The following PIK3R4 variants were observed in gnomAD, a reference collection of about 807,000 sequenced individuals.
PIK3R4 encodes the protein phosphoinositide-3-kinase regulatory subunit 4.
Under a neutral mutation model 136.5 loss-of-function variants are expected in PIK3R4, and 46 were observed. The observed-to-expected ratio is 0.34, with a 90% CI of 0.27 to 0.43. The LOEUF is 0.43. Ranked by LOEUF, PIK3R4 falls within the 20% of genes least tolerant of loss-of-function variation. The pLI, the probability that PIK3R4 is intolerant of heterozygous loss-of-function variation, is 1.00. For missense variants in PIK3R4, 1,331 were observed against 1,649.5 expected (o/e 0.81, Z 3.35); for synonymous variants, 557 against 566.7 (o/e 0.98, Z 0.24).
intron 2 of PIK3R4, 48 bp from the exon 3 acceptor site, chr3:130,736,050 C>T (rs991648301): frequency 8.9e-6 from 13 of 1,461,568 alleles, no homozygotes; most frequent in Admixed American, 2.0e-5. Context: ...TAAAAAATAT[C>T]ATGCAATATA....
At chr3:130,731,644 C>A (rs1376521007) in intron 4 of PIK3R4, among the ~76,000 whole-genome samples, 2 of 152,126 alleles carry the variant, frequency 1.3e-5, no homozygotes, top group Admixed American at 6.5e-5. Context: ...TAGATCTATG[C>A]TTATTTCCCC....
chr3:130,681,700 T>C, intron 16 of PIK3R4, 109 bp from the exon 17 acceptor site: 1 of 640,548 alleles, frequency 1.6e-6, no homozygotes, highest in South Asian at 1.9e-5. Context: ...TCTTTCTTTC[T>C]TTCAGGGGGA....
chr3:130,690,481 A>G lies in PIK3R4; in HGVS notation c.3263+9T>C, dbSNP rs199700522. The G allele has an allele frequency of 3.1e-4, 499 of 1,601,816 alleles. 9 individuals carry two copies. The South Asian group carries it at 4.8e-3, about 15-fold the overall frequency. On this transcript the variant is annotated intron_variant, in intron 14 of 19. Coordinates refer to ENST00000356763, the MANE Select transcript of PIK3R4 (RefSeq NM_014602.3). Reference sequence around the variant, plus strand: ...ATACAATGTTTAAGAAAGACAAAAGATAAGATACCTGCTTTGTAGAGGATG... The same window carrying G: ...ATACAATGTTTAAGAAAGACAAAAGGTAAGATACCTGCTTTGTAGAGGATG...
In PIK3R4 at chr3:130,708,407, T is replaced by G; in HGVS notation, c.2417A>C (p.Asp806Ala). The G allele has an allele frequency of 6.2e-7, 1 of 1,613,814 alleles. No homozygotes were observed. The highest frequency in any genetic ancestry group is 8.5e-7 in the Non-Finnish European group (1 of 1,179,742). Residue 806 changes from aspartate (D) to alanine (A), a missense_variant, in exon 10 of 20, where the codon GAC becomes GCC. Physicochemically the swap from Asp to Ala is moderately radical, Grantham distance 126. Coordinates refer to ENST00000356763, the MANE Select transcript of PIK3R4 (RefSeq NM_014602.3). ...KSNKAKANIV[D>A]QSHLHDSSQK... is the part of the protein sequence containing the mutation. ...ACTACTATCATGAAGATGGCTCTGG[T>G]CCACTATATTGGCCTTTGCTTTATT...
intron 4 of PIK3R4, among the ~76,000 whole-genome samples, chr3:130,732,515 C>T (rs1441116480): frequency 1.3e-5 from 2 of 152,074 alleles, no homozygotes; most frequent in Admixed American, 1.3e-4. Flanking sequence ...TACAACTATG[C>T]TTTGTTATAA....
intron 9 of PIK3R4, among the ~76,000 whole-genome samples, chr3:130,715,042 G>A (rs1055458778): frequency 2.0e-5 from 3 of 150,974 alleles, no homozygotes; most frequent in Admixed American, 2.0e-4. Context: ...CACAACAGTT[G>A]AACTAATTTA....
In PIK3R4 at chr3:130,716,515, T is replaced by A; in HGVS notation, c.2212A>T (p.Ile738Phe). The part of the protein sequence containing the change: ...IFDYALRSKD[I>F]TSLFRHLHMR... ...TGAAGATGTCTGAACAAGCTAGTAA[T>A]ATCTTTAGACCTCAAAGCATAATCA... The change falls in exon 9 of 20, where the codon ATT becomes TTT. Residue 738 changes from isoleucine to phenylalanine, a missense_variant. Around this residue, in one of 2 missense-constraint regions of PIK3R4, gnomAD observed 1,180 missense variants for 1,407.0 expected, o/e 0.84. Transcript: ENST00000356763. 6.2e-7 allele frequency: 1 copy of A among 1,613,886 alleles called. No homozygotes were observed. The highest frequency in any genetic ancestry group is 1.1e-5 in the South Asian group (1 of 91,076).
intron 2 of PIK3R4, among the ~76,000 whole-genome samples, chr3:130,743,332 G>A (rs2066835000): frequency 6.6e-6 from 1 of 152,012 alleles, no homozygotes; most frequent in East Asian, 1.9e-4. Flanking sequence ...GAGGCAAGAG[G>A]ATCATTGGAG....
intron 15 of PIK3R4, 82 bp downstream of exon 15, chr3:130,686,129 G>A: frequency 2.5e-6 from 2 of 803,486 alleles, no homozygotes; most frequent in East Asian, 2.6e-5. Flanking sequence ...TGAACAAAGA[G>A]GAAAAAACTG....
chr3:130,708,303 C>T lies in PIK3R4; in HGVS notation c.2521G>A (p.Asp841Asn). Reference sequence around the variant, plus strand: ...CAAGCATACTAACCCCGTTTGTCATCTGGTTCTTGTTTGGTTTTAACAAGA... The same window carrying T: ...CAAGCATACTAACCCCGTTTGTCATTTGGTTCTTGTTTGGTTTTAACAAGA... ...VDLVKTKQEP[D>N]DKRARKHVKQ... Residue 841 changes from aspartate to asparagine, a missense_variant, in exon 10 of 20, where the codon GAT (aspartate) becomes AAT (asparagine). Transcript: ENST00000356763. 6.2e-7 allele frequency: 1 copy of T among 1,613,256 alleles called. No individual in the cohort carries two copies. The highest frequency in any genetic ancestry group is 1.1e-5 in the South Asian group (1 of 91,052).
intron 6 of PIK3R4, among the ~76,000 whole-genome samples, chr3:130,725,419 G>C (rs1015404181): frequency 2.0e-5 from 3 of 151,644 alleles, no homozygotes; most frequent in African/African-American, 7.3e-5. Flanking sequence ...TTACATATCT[G>C]AGAAGAAAAA....
rs751980856 is a variant in PIK3R4, at chr3:130,703,898, A to G, written c.2933-10T>C. ...CCTTTAGGACGCCATCCTAAGGAAAAGCAAAGGAGTGTATCATAAACTGTA... is the reference window on the plus strand; with the variant it reads ...CCTTTAGGACGCCATCCTAAGGAAAGGCAAAGGAGTGTATCATAAACTGTA... On this transcript the variant is annotated splice_polypyrimidine_tract_variant and intron_variant, in intron 12 of 19. Transcript: ENST00000356763. 1.1e-5 allele frequency: 18 copies of G among 1,599,036 alleles called. No homozygotes were observed. Among genetic ancestry groups the G allele is most frequent in the Admixed American group, 6.7e-5 (4 of 59,346 alleles).
Position 130,744,962 on chromosome 3 carries a change from G to A in PIK3R4, c.257C>T (p.Pro86Leu), listed in dbSNP as rs779308946. Residue 86 changes from proline (P) to leucine (L), a missense_variant, in exon 2 of 20, where the codon CCT (proline) becomes CTT (leucine). Transcript: ENST00000356763. ...IRLNSAQNCL[P>L]FQKASEKASE... ...TGCTTTTTCTGATGCTTTCTGGAAA[G>A]GTAGACAATTCTGTGCAGAATTAAG... is the stretch of plus-strand genomic sequence containing the variant. The A allele has an allele frequency of 1.2e-6, 2 of 1,614,174 alleles. No homozygotes were observed. Among genetic ancestry groups the A allele is most frequent in the African/African-American group, 1.3e-5 (1 of 75,024 alleles).
intron 13 of PIK3R4, among the ~76,000 whole-genome samples, chr3:130,696,354 T>C (rs1039080346): frequency 6.6e-6 from 1 of 152,096 alleles, no homozygotes; most frequent in Admixed American, 6.6e-5. Context: ...TAGGGTTAAA[T>C]TACTAATTTG....
At chr3:130,691,162 T>C (rs1239005092) in intron 13 of PIK3R4, among the ~76,000 whole-genome samples, 2 of 152,290 alleles carry the variant, frequency 1.3e-5, no homozygotes, top group African/African-American at 2.4e-5. Context: ...CCTGATCCTA[T>C]CTTCTTCAAC....
At chr3:130,741,022 AAC>A (rs915399414) in intron 2 of PIK3R4, among the ~76,000 whole-genome samples, 32 of 152,222 alleles carry the variant, frequency 2.1e-4, no homozygotes, top group Non-Finnish European at 4.0e-4. Context: ...GTCAGAAAAA[AAC>A]ACAGTGACAT....
In PIK3R4 at chr3:130,743,297, C is replaced by T. The variant is rs1023265962; in HGVS notation, c.733+1189G>A. ...AACTGGGTGTGGTGGTGCACGCCTG[C>T]AGTCCCGGCTACACAAAGAAAGCTG... On this transcript the variant is annotated intron_variant, in intron 2 of 19. Transcript: ENST00000356763. Among the ~76,000 whole-genome samples the T allele has an allele frequency of 1.9e-4, 29 of 151,732 alleles. 1 individual carries two copies. The highest frequency in any genetic ancestry group is 1.2e-4 in the Non-Finnish European group (8 of 67,942).
chr3:130,686,884 G>A (rs897834494), intron 14 of PIK3R4, among the ~76,000 whole-genome samples: 2 of 152,136 alleles, frequency 1.3e-5, no homozygotes, highest in Non-Finnish European at 1.5e-5. Context: ...TTTAGAGAAT[G>A]TTCCTCAATT....
chr3:130,681,138 GGCAA>G lies in PIK3R4; in HGVS notation c.3709-77_3709-74del, dbSNP rs2066456068. The G allele has an allele frequency of 1.7e-5, 15 of 889,138 alleles. No homozygotes were observed. The East Asian group carries it at 3.7e-4, about 22-fold the overall frequency. The allele number at this position is 889,138 out of a possible 1,614,324, so 55.1% of individuals were successfully genotyped here. A position where few individuals can be genotyped will look rare whatever the true frequency, so the allele number is the denominator to read the frequency against. ...CATAAATGATAGTGCTATTTCTAGA[GGCAA>G]GTTAACTGTCAGTAGCTTTACAAGC... On this transcript the variant is annotated intron_variant, in intron 17 of 19. Coordinates refer to ENST00000356763, the MANE Select transcript of PIK3R4 (RefSeq NM_014602.3).
Sources: gnomAD v4.1 joint callset for allele counts (sites outside exome capture counted in the v4.1 genomes callset) on GRCh38, gnomAD v4.1.1 for gene constraint, gnomAD v4.1.1 regional missense constraint, MANE v1.5 for transcripts, NCBI Gene and HGNC (gene_info 2026-07-23, HGNC 2026-07-21) for gene names.